The following GUCD1 variants were observed in gnomAD, a reference collection of about 807,000 sequenced individuals.
The protein encoded by GUCD1 is protein GUCD1.
GUCD1 carries 17 observed loss-of-function variants against 28.3 expected under a neutral mutation model. The ratio of observed to expected loss-of-function variants is 0.60; its 90% CI spans 0.41 to 0.90. GUCD1 has a LOEUF of 0.90. GUCD1 is among the 40% of genes least tolerant of loss of function. The pLI, the probability that GUCD1 is intolerant of heterozygous loss-of-function variation, is 0.00. For missense variants in GUCD1, 279 were observed against 305.5 expected (o/e 0.91, Z 0.65); for synonymous variants, 129 against 123.3 (o/e 1.05, Z -0.30).
intron 4 of GUCD1, among the ~76,000 whole-genome samples, chr22:24,545,813 G>C (rs1015097824): frequency 4.0e-5 from 6 of 151,494 alleles, no homozygotes; most frequent in African/African-American, 1.5e-4. Flanking sequence ...CCATGATCTC[G>C]ATCTCCTAAC....
chr22:24,544,913 G>A (rs1047968879), intron 4 of GUCD1, among the ~76,000 whole-genome samples: 20 of 152,112 alleles, frequency 1.3e-4, no homozygotes, highest in South Asian at 2.1e-4. Flanking sequence ...CCAGCTACTC[G>A]GGAGACTGAG....
At chr22:24,548,177 C>G in intron 2 of GUCD1, 104 bp from the exon 3 acceptor site, 1 of 920,748 alleles carries the variant, frequency 1.1e-6, no homozygotes, top group Non-Finnish European at 1.7e-6. Context: ...GTCCCATTCC[C>G]CAGAAGTCTC....
Position 24,542,326 on chromosome 22 carries a change from T to A in GUCD1, c.*680A>T, listed in dbSNP as rs1002406506. The A allele has an allele frequency of 5.3e-5, 8 of 152,298 alleles. No homozygotes were observed. The highest frequency in any genetic ancestry group is 5.2e-4 in the Admixed American group (8 of 15,288). The allele number at this position is 152,298 out of a possible 1,614,324, so 9.4% of individuals were successfully genotyped here. Reference sequence around the variant, plus strand: ...GGGATCTAGGCCCGAGAGCCCTCCATCTGACAGAGCTGGAGGACCTGGAGG... The same window carrying A: ...GGGATCTAGGCCCGAGAGCCCTCCAACTGACAGAGCTGGAGGACCTGGAGG... On this transcript the variant is annotated 3_prime_UTR_variant, in exon 6 of 6. Transcript: ENST00000435822.
upstream of GUCD1, chr22:24,555,820 A>G: frequency 6.5e-7 from 1 of 1,546,408 alleles, no homozygotes; most frequent in South Asian, 1.2e-5. Flanking sequence ...CCCCGGGCCC[A>G]GTCATCAGCC....
chr22:24,546,917 T>G lies in GUCD1; in HGVS notation c.383A>C (p.Lys128Thr). Residue 128 changes from lysine (K) to threonine (T), a missense_variant, in exon 4 of 6, where the codon AAA becomes ACA. By Grantham distance (78) the Lys-to-Thr change is moderately conservative. Coordinates refer to ENST00000435822, the MANE Select transcript of GUCD1 (RefSeq NM_001284254.2). ...QAKACKVLVE[K>T]CTVSVKDIQA... is the part of the protein sequence containing the mutation. ...GTAGGAAAGTTGGGGGGCTCACCAT[T>G]TCTCCACCAGCACCTTGCAGGCCTT... 1 of 1,613,776 alleles carries G rather than the reference T, an allele frequency of 6.2e-7. No individual in the cohort carries two copies. The highest frequency in any genetic ancestry group is 2.2e-5 in the East Asian group (1 of 44,874).
intron 2 of GUCD1, 134 bp from the exon 3 acceptor site, chr22:24,548,207 C>T (rs11703449): frequency 2.7e-6 from 2 of 728,144 alleles, no homozygotes; most frequent in Non-Finnish European, 4.6e-6. Context: ...TCATGAGACC[C>T]TAGGTCCTGC....
chr22:24,544,870 A>C (rs2147073692), intron 4 of GUCD1, among the ~76,000 whole-genome samples: 1 of 152,218 alleles, frequency 6.6e-6, no homozygotes, highest in Non-Finnish European at 1.5e-5. Flanking sequence ...AAAATTTACC[A>C]GGCGTGGGGC....
chr22:24,544,100 G>GGTC lies in GUCD1; in HGVS notation c.387-20_387-18dup. The GGTC allele has an allele frequency of 3.1e-6, 5 of 1,599,604 alleles. No homozygotes were observed. Among genetic ancestry groups the GGTC allele is most frequent in the Non-Finnish European group, 4.3e-6 (5 of 1,168,896 alleles). Reference sequence around the variant, plus strand: ...CTCACTGTGCTGTGGGCGGGAGGGGGGTCAGCTGGTGCTGCTGGGCCCCCA... The same window carrying GGTC: ...CTCACTGTGCTGTGGGCGGGAGGGGGGTCGTCAGCTGGTGCTGCTGGGCCCCCA... On this transcript the variant is annotated splice_polypyrimidine_tract_variant and intron_variant, in intron 4 of 5. Coordinates refer to ENST00000435822, the MANE Select transcript of GUCD1 (RefSeq NM_001284254.2).
Position 24,543,114 on chromosome 22 carries a change from A to C in GUCD1, c.629-17T>G, listed in dbSNP as rs199636561. The C allele has an allele frequency of 6.2e-7, 1 of 1,603,076 alleles. No individual in the cohort carries two copies. The highest frequency in any genetic ancestry group is 1.1e-5 in the South Asian group (1 of 90,838). ...TGCACATTCCTGCTGGGGGTGGGGA[A>C]GGCAGAACGGGGTCAGTGGGTTGTG... On this transcript the variant is annotated splice_polypyrimidine_tract_variant and intron_variant, in intron 5 of 5. Coordinates refer to ENST00000435822, the MANE Select transcript of GUCD1 (RefSeq NM_001284254.2).
At chr22:24,547,518 C>T (rs369845515) in intron 3 of GUCD1, 167 of 207,150 alleles carry the variant, frequency 8.1e-4, no homozygotes, top group African/African-American at 3.6e-3. Flanking sequence ...AAAGCTGGCT[C>T]TCCTGGTGAA....
intron 4 of GUCD1, among the ~76,000 whole-genome samples, chr22:24,544,291 G>T (rs372874904): frequency 4.6e-5 from 7 of 151,826 alleles, no homozygotes; most frequent in Admixed American, 2.6e-4. Flanking sequence ...GTGTGTGTCT[G>T]AATGTGCACA....
At chr22:24,555,170 AG>A, upstream of GUCD1, 6 of 1,292,946 alleles carry the variant, frequency 4.6e-6, no homozygotes, top group South Asian at 1.4e-4. Flanking sequence ...CAGCCCTTCC[AG>A]GTCTCGAATC....
rs2044602130 is a variant in GUCD1 at position 24,541,858 on chromosome 22, A to G, written c.*1148T>C. ...CTGTGCAGAGGTGTTAGTGGTTCCAAAGTACCTTCACTCTTGCTATTACTG... is the reference window on the plus strand; with the variant it reads ...CTGTGCAGAGGTGTTAGTGGTTCCAGAGTACCTTCACTCTTGCTATTACTG... On this transcript the variant is annotated 3_prime_UTR_variant, in exon 6 of 6. Transcript: ENST00000435822. The G allele has an allele frequency of 6.6e-6, 1 of 152,198 alleles. No homozygotes were observed. The highest frequency in any genetic ancestry group is 2.4e-5 in the African/African-American group (1 of 41,448). 9.4% of individuals were successfully genotyped at this position (152,198 alleles called of 1,614,324 possible).
At chr22:24,555,246 G>T, upstream of GUCD1, 2 of 1,318,702 alleles carry the variant, frequency 1.5e-6, no homozygotes, top group Non-Finnish European at 1.9e-6. Context: ...CCAGCCTCTT[G>T]ATTTAAGTCT....
Position 24,550,169 on chromosome 22 carries a change from A to G in GUCD1, c.44-1168T>C, listed in dbSNP as rs554825051. ...CAGCTGACTTCCTCTTGCTGGAATG[A>G]GTCTGGCCATCCCTAAACAGGGGGA... On this transcript the variant is annotated intron_variant, in intron 1 of 5. Transcript: ENST00000435822. Among the ~76,000 whole-genome samples the G allele has an allele frequency of 2.6e-5, 4 of 152,254 alleles. No homozygotes were observed. The South Asian group carries it at 8.3e-4, about 32-fold the overall frequency.
chr22:24,546,170 C>T (rs2044721931), intron 4 of GUCD1, among the ~76,000 whole-genome samples: 1 of 145,428 alleles, frequency 6.9e-6, no homozygotes, highest in African/African-American at 2.6e-5. Context: ...ACCGTGTTAG[C>T]CAGGATGGTC....
At chr22:24,549,453 C>T (rs1161452564) in intron 1 of GUCD1, among the ~76,000 whole-genome samples, 5 of 152,182 alleles carry the variant, frequency 3.3e-5, no homozygotes, top group African/African-American at 9.6e-5. Flanking sequence ...TGTGCATTCA[C>T]TTCCCACCAT....
intron 4 of GUCD1, 113 bp from the exon 5 acceptor site, chr22:24,544,196 T>C (rs1025230934): frequency 6.9e-7 from 1 of 1,456,690 alleles, no homozygotes; most frequent in African/African-American, 1.4e-5. Flanking sequence ...TCGGCTCCTT[T>C]TCCCTTTGCC....
At position 24,543,039 on chromosome 22, in the gene GUCD1, A is replaced by C. The variant is rs2044631857; in HGVS notation, c.687T>G (p.Asp229Glu). The change falls in exon 6 of 6, where the codon GAT (aspartate) becomes GAG (glutamate). Residue 229 changes from aspartate (D) to glutamate (E), a missense_variant. Physicochemically the swap from Asp to Glu is conservative, Grantham distance 45. Coordinates refer to ENST00000435822, the MANE Select transcript of GUCD1 (RefSeq NM_001284254.2). ...CCAAGTAGACAAAGAGGATGTCCTC[A>C]TCTGTGCCATAGCTGGTTCTGGCCT... ...FEEARTSYGT[D>E]EDILFVYLDS is the part of the protein sequence containing the mutation. 3.1e-6 allele frequency: 5 copies of C among 1,613,946 alleles called. No individual in the cohort carries two copies. Among genetic ancestry groups the C allele is most frequent in the Non-Finnish European group, 4.2e-6 (5 of 1,179,816 alleles).
Sources: allele counts gnomAD v4.1 joint callset (sites outside exome capture counted in the v4.1 genomes callset), GRCh38; gene constraint gnomAD v4.1.1; transcripts MANE v1.5; gene names NCBI Gene and HGNC (gene_info 2026-07-23, HGNC 2026-07-21).